Variants in SIPA1L1 observed in about 807,000 individuals in gnomAD.
The protein encoded by SIPA1L1 is signal induced proliferation associated 1 like 1.
SIPA1L1 carries 26 observed loss-of-function variants against 162.7 expected under a neutral mutation model. The observed-to-expected ratio is 0.16, with a 90% CI of 0.12 to 0.22. The LOEUF (loss-of-function observed/expected upper bound fraction) is 0.22, where lower values mean the gene tolerates loss of function less well. Ranked by LOEUF, SIPA1L1 falls within the 10% of genes least tolerant of loss-of-function variation. The pLI is 1.00. For missense variants in SIPA1L1, 1,874 were observed against 2,241.0 expected, an observed-to-expected ratio of 0.84 and a Z score of 3.31; for synonymous variants, 829 against 837.4, an observed-to-expected ratio of 0.99 and a Z score of 0.17.
At chr14:71,694,567 A>G (rs2081488854) in intron 13 of SIPA1L1, among the ~76,000 whole-genome samples, 1 of 152,176 alleles carries the variant, frequency 6.6e-6, no homozygotes, top group Admixed American at 6.5e-5. Flanking sequence ...TATTTTAAAA[A>G]TGTTTAGTTA....
intron 2 of SIPA1L1, among the ~76,000 whole-genome samples, chr14:71,467,673 A>G (rs1292307313): frequency 1.3e-5 from 2 of 152,088 alleles, no homozygotes; most frequent in African/African-American, 2.4e-5. Flanking sequence ...TTTGAGAGAC[A>G]ATGTCATGCC....
intron 8 of SIPA1L1, among the ~76,000 whole-genome samples, chr14:71,651,433 A>AG (rs1487384582): frequency 2.0e-5 from 3 of 152,190 alleles, no homozygotes; most frequent in Non-Finnish European, 4.4e-5. Context: ...TCCTGTTGCC[A>AG]TGGTTTTGCT....
chr14:71,465,294 C>T (rs569774165), intron 2 of SIPA1L1, among the ~76,000 whole-genome samples: 36 of 152,338 alleles, frequency 2.4e-4, no homozygotes, highest in African/African-American at 8.4e-4. Flanking sequence ...TCAGCTCTTT[C>T]TCTACAGCAG....
intron 8 of SIPA1L1, among the ~76,000 whole-genome samples, chr14:71,654,569 AT>A (rs2042900619): frequency 6.6e-6 from 1 of 152,016 alleles, no homozygotes; most frequent in Non-Finnish European, 1.5e-5. Flanking sequence ...TTTCTCCTCC[AT>A]TTTTCAGCAG....
At chr14:71,351,864 T>C (rs1226010874) in intron 2 of SIPA1L1, among the ~76,000 whole-genome samples, 1 of 152,014 alleles carries the variant, frequency 6.6e-6, no homozygotes, top group East Asian at 1.9e-4. Context: ...TTATTCTAGC[T>C]ACTGGGGACT....
chr14:71,431,912 A>T (rs1422371146), intron 2 of SIPA1L1, among the ~76,000 whole-genome samples: 1 of 152,066 alleles, frequency 6.6e-6, no homozygotes, highest in African/African-American at 2.4e-5. Flanking sequence ...AAACCCAAAG[A>T]TACAGGGAAA....
chr14:71,598,262 G>A, intron 5 of SIPA1L1: 1 of 978,410 alleles, frequency 1.0e-6, no homozygotes, highest in Non-Finnish European at 1.2e-6. Flanking sequence ...CACAACTGAT[G>A]GAAGCTAAAA....
At chr14:71,673,834 C>G (rs2044787792) in intron 12 of SIPA1L1, among the ~76,000 whole-genome samples, 1 of 152,194 alleles carries the variant, frequency 6.6e-6, no homozygotes, top group African/African-American at 2.4e-5. Flanking sequence ...TACCCACATA[C>G]CCTGCCTTAG....
At chr14:71,427,147 T>G (rs1230412073) in intron 2 of SIPA1L1, among the ~76,000 whole-genome samples, 1 of 152,242 alleles carries the variant, frequency 6.6e-6, no homozygotes, top group African/African-American at 2.4e-5. Context: ...GGCTGCAAGT[T>G]ACTTTTTAGT....
At chr14:71,718,456 G>A (rs986232901) in intron 17 of SIPA1L1, among the ~76,000 whole-genome samples, 5 of 152,160 alleles carry the variant, frequency 3.3e-5, no homozygotes, top group South Asian at 2.1e-4. Flanking sequence ...ACCAAGGATC[G>A]GGGTTGATCT....
At chr14:71,652,928 C>G (rs2042748907) in intron 8 of SIPA1L1, among the ~76,000 whole-genome samples, 1 of 152,034 alleles carries the variant, frequency 6.6e-6, no homozygotes, top group Non-Finnish European at 1.5e-5. Flanking sequence ...TCATTTCTCT[C>G]ATTTTCAGTT....
At chr14:71,519,954 A>C (rs971089932) in intron 3 of SIPA1L1, among the ~76,000 whole-genome samples, 3 of 152,038 alleles carry the variant, frequency 2.0e-5, no homozygotes, top group Non-Finnish European at 4.4e-5. Flanking sequence ...GAATGAATAA[A>C]TGATTAGCTG....
rs561369674 is a variant in SIPA1L1 at position 71,440,441 on chromosome 14, C to G, written c.-464-72302C>G. ...GCCGAGGCAGGCCGACTACTTGAGT[C>G]TAGGAGTTTGTGACCAGTCTGGGCA... On this transcript the variant is annotated intron_variant, in intron 2 of 23. Transcript: ENST00000381232. 1.1e-4 allele frequency among the ~76,000 whole-genome samples: 17 copies of G among 151,860 alleles called. 2 individuals carry two copies. In the South Asian group the frequency reaches 3.5e-3, roughly 32 times the overall value.
intron 2 of SIPA1L1, among the ~76,000 whole-genome samples, chr14:71,380,739 A>G (rs1266706330): frequency 6.6e-6 from 1 of 152,216 alleles, no homozygotes; most frequent in African/African-American, 2.4e-5. Flanking sequence ...GTAGGGATAC[A>G]ATATCTATTT....
At chr14:71,421,409 A>G (rs898882786) in intron 2 of SIPA1L1, among the ~76,000 whole-genome samples, 3 of 152,016 alleles carry the variant, frequency 2.0e-5, no homozygotes, top group African/African-American at 7.3e-5. Context: ...CCTGGGCAAC[A>G]TAGTGAGACC....
intron 2 of SIPA1L1, among the ~76,000 whole-genome samples, chr14:71,510,454 C>T (rs1202677215): frequency 6.6e-6 from 1 of 152,124 alleles, no homozygotes; most frequent in Non-Finnish European, 1.5e-5. Flanking sequence ...TCCCAAAATG[C>T]TGGGATTACA....
At chr14:71,522,071 T>C (rs1195703541) in intron 3 of SIPA1L1, among the ~76,000 whole-genome samples, 1 of 152,198 alleles carries the variant, frequency 6.6e-6, no homozygotes, top group Non-Finnish European at 1.5e-5. Flanking sequence ...CCTGAAAATG[T>C]TTATTGTTCT....
intron 2 of SIPA1L1, among the ~76,000 whole-genome samples, chr14:71,497,111 G>A (rs866192048): frequency 1.3e-5 from 2 of 152,146 alleles, no homozygotes; most frequent in Non-Finnish European, 2.9e-5. Context: ...AGAGGTTGCA[G>A]TGAGCTGAGA....
intron 15 of SIPA1L1, 147 bp from the exon 16 acceptor site, chr14:71,705,075 C>T: frequency 1.5e-6 from 1 of 670,472 alleles, no homozygotes; most frequent in South Asian, 1.8e-5. Flanking sequence ...TGCTGTCTAT[C>T]AAATAGACTC....
Sources: gnomAD v4.1 joint callset for allele counts (sites outside exome capture counted in the v4.1 genomes callset) on GRCh38, gnomAD v4.1.1 for gene constraint, MANE v1.5 for transcripts, NCBI Gene and HGNC (gene_info 2026-07-23, HGNC 2026-07-21) for gene names.